Variants in OSBPL1A observed in about 807,000 individuals in gnomAD.
OSBPL1A encodes oxysterol binding protein like 1A, also known as oxysterol-binding protein-related protein 1.
A neutral mutation model predicts 137.1 loss-of-function variants in OSBPL1A; 80 were observed. The observed-to-expected ratio is 0.58, with a 90% CI of 0.49 to 0.70. The LOEUF (loss-of-function observed/expected upper bound fraction) is 0.70, where lower values mean the gene tolerates loss of function less well. Among genes scored for constraint, OSBPL1A ranks in the 30% least tolerant of loss-of-function variants. The probability of loss-of-function intolerance (pLI) is 0.00; values close to 1 mark genes in which losing one functional copy is unlikely to be tolerated. For synonymous variants in OSBPL1A, 365 were observed against 389.7 expected (o/e 0.94, Z 0.75); for missense variants, 970 against 1,129.4 (o/e 0.86, Z 2.02).
At chr18:24,169,002 G>A (rs956161797) in intron 24 of OSBPL1A, among the ~76,000 whole-genome samples, 4 of 152,196 alleles carry the variant, frequency 2.6e-5, no homozygotes, top group African/African-American at 9.7e-5. Context: ...AGGAGCTGCC[G>A]CCAAGGAGTT....
chr18:24,379,921 C>T (rs59523414), intron 1 of OSBPL1A, among the ~76,000 whole-genome samples: 2 of 152,064 alleles, frequency 1.3e-5, no homozygotes, highest in African/African-American at 4.8e-5. Context: ...CTAATGAGAG[C>T]CCAACAATTC....
chr18:24,305,330 TAA>T (rs1367039663), intron 13 of OSBPL1A, among the ~76,000 whole-genome samples: 2 of 152,206 alleles, frequency 1.3e-5, no homozygotes, highest in African/African-American at 4.8e-5. Flanking sequence ...CAGTTATTAA[TAA>T]GTTTCCTTGA....
chr18:24,300,109 T>C (rs1405742568), intron 14 of OSBPL1A, among the ~76,000 whole-genome samples: 1 of 152,190 alleles, frequency 6.6e-6, no homozygotes, highest in African/African-American at 2.4e-5. Context: ...TAGTAAAAAT[T>C]TCAATACTAC....
chr18:24,365,084 A>C (rs1166118033), intron 4 of OSBPL1A, among the ~76,000 whole-genome samples: 1 of 151,772 alleles, frequency 6.6e-6, no homozygotes, highest in African/African-American at 2.4e-5. Flanking sequence ...ACTGATTTCC[A>C]GCAAAGGTAT....
chr18:24,261,693 T>A (rs1261998156), intron 15 of OSBPL1A, among the ~76,000 whole-genome samples: 2 of 151,280 alleles, frequency 1.3e-5, no homozygotes, highest in African/African-American at 4.9e-5. Flanking sequence ...ATGAGCCGGG[T>A]GTGGTGGTGC....
In OSBPL1A at chr18:24,225,075, C is replaced by A. The variant is rs199687951; in HGVS notation, c.1568G>T (p.Gly523Val). ...RMSEEKDCGG[G>V]DALSNGIKKH... ...CTTGATGCCATTGGAGAGAGCATCT[C>A]CGCCACCACAGTCTTTTTCTTCGGA... is the stretch of plus-strand genomic sequence containing the variant. Residue 523 changes from glycine (G) to valine (V), a missense_variant, in exon 17 of 28, where the codon GGA becomes GTA. By Grantham distance (109) the Gly-to-Val change is moderately radical. Coordinates refer to ENST00000319481, the MANE Select transcript of OSBPL1A (RefSeq NM_080597.4). 40 of 1,614,058 alleles carry A rather than the reference C, an allele frequency of 2.5e-5. No individual in the cohort carries two copies. Among genetic ancestry groups the A allele is most frequent in the Non-Finnish European group, 2.5e-6 (3 of 1,180,026 alleles).
intron 12 of OSBPL1A, 99 bp from the exon 13 acceptor site, chr18:24,312,205 A>G: frequency 1.4e-6 from 2 of 1,413,182 alleles, no homozygotes; most frequent in East Asian, 4.7e-5. Context: ...ACCTAGTGAA[A>G]TAAATATTAT....
chr18:24,166,366 T>C (rs2086146013), intron 26 of OSBPL1A, among the ~76,000 whole-genome samples: 1 of 152,152 alleles, frequency 6.6e-6, no homozygotes. Context: ...CAGGGGAGTA[T>C]TACCACAATA....
intron 13 of OSBPL1A, among the ~76,000 whole-genome samples, chr18:24,306,515 G>A (rs773828046): frequency 2.6e-5 from 4 of 151,964 alleles, no homozygotes; most frequent in African/African-American, 4.8e-5. Context: ...ACAACATTAC[G>A]GTGAAAAAAG....
intron 17 of OSBPL1A, among the ~76,000 whole-genome samples, chr18:24,203,427 A>AT (rs1189546157): frequency 6.6e-6 from 1 of 152,152 alleles, no homozygotes; most frequent in Non-Finnish European, 1.5e-5. Flanking sequence ...AGGTATGTGC[A>AT]TTTTTTAAAT....
chr18:24,347,606 G>A (rs1297896886), intron 4 of OSBPL1A: 1 of 152,130 alleles, frequency 6.6e-6, no homozygotes, highest in African/African-American at 2.4e-5. Context: ...CACTTTGGGA[G>A]GCCGAGGCAG....
intron 18 of OSBPL1A, 194 bp downstream of exon 18, chr18:24,195,931 C>A: frequency 3.9e-6 from 2 of 511,540 alleles, no homozygotes; most frequent in Non-Finnish European, 6.9e-6. Flanking sequence ...ATCAAAAATG[C>A]ACACTAAAGC....
intron 15 of OSBPL1A, among the ~76,000 whole-genome samples, chr18:24,277,400 G>A (rs945009676): frequency 2.0e-5 from 3 of 152,186 alleles, no homozygotes; most frequent in Admixed American, 6.5e-5. Context: ...TAAAAACAGC[G>A]TTGCTGCTGT....
At chr18:24,191,249 G>A (rs1187294074) in intron 18 of OSBPL1A, among the ~76,000 whole-genome samples, 2 of 152,194 alleles carry the variant, frequency 1.3e-5, no homozygotes, top group Non-Finnish European at 2.9e-5. Context: ...TCCTAATTGA[G>A]TTGTTAGCTT....
intron 16 of OSBPL1A, among the ~76,000 whole-genome samples, chr18:24,226,587 C>G (rs539994175): frequency 6.6e-6 from 1 of 152,274 alleles, no homozygotes; most frequent in African/African-American, 2.4e-5. Flanking sequence ...CTAAACTGGT[C>G]AGGAAATAAC....
intron 4 of OSBPL1A, chr18:24,357,137 GATTT>G (rs1202723552): frequency 6.6e-6 from 1 of 152,172 alleles, no homozygotes; most frequent in Non-Finnish European, 1.5e-5. Flanking sequence ...AATCATTTTA[GATTT>G]ATTTGCCAAA....
chr18:24,264,788 C>T (rs926854806), intron 15 of OSBPL1A, among the ~76,000 whole-genome samples: 9 of 152,122 alleles, frequency 5.9e-5, no homozygotes, highest in African/African-American at 1.7e-4. Flanking sequence ...TAAGTCTAGG[C>T]GTGTATGATA....
At chr18:24,300,974 G>A (rs1042672194) in intron 14 of OSBPL1A, among the ~76,000 whole-genome samples, 4 of 152,162 alleles carry the variant, frequency 2.6e-5, no homozygotes, top group Non-Finnish European at 5.9e-5. Context: ...GACTATAGGT[G>A]TGTACCACCA....
chr18:24,236,557 T>C (rs894188073), intron 16 of OSBPL1A, among the ~76,000 whole-genome samples: 8 of 152,170 alleles, frequency 5.3e-5, no homozygotes, highest in Non-Finnish European at 1.2e-4. Flanking sequence ...CCAAGATTTT[T>C]AGTAGGAAAT....
Sources: allele counts gnomAD v4.1 joint callset (sites outside exome capture counted in the v4.1 genomes callset), GRCh38; gene constraint gnomAD v4.1.1; transcripts MANE v1.5; gene names NCBI Gene and HGNC (gene_info 2026-07-23, HGNC 2026-07-21).